The following ZFP90 variants were observed in gnomAD, a reference collection of about 807,000 sequenced individuals.
ZFP90 encodes the protein zinc finger protein 90 homolog.
ZFP90 carries 38 observed loss-of-function variants against 60.8 expected under a neutral mutation model. The ratio of observed to expected loss-of-function variants is 0.62; its 90% confidence interval spans 0.48 to 0.82. ZFP90 has a LOEUF of 0.82. Ranked by LOEUF, ZFP90 falls within the 40% of genes least tolerant of loss-of-function variation. The pLI is 0.00. For synonymous variants in ZFP90, 287 were observed against 264.8 expected (o/e 1.08, Z -0.82); for missense variants, 711 against 759.1 (o/e 0.94, Z 0.74).
chr16:68,560,776 C>G (rs2091428678), intron 4 of ZFP90, among the ~76,000 whole-genome samples: 1 of 151,904 alleles, frequency 6.6e-6, no homozygotes, highest in Admixed American at 6.6e-5. Context: ...ATTGGCCAGC[C>G]TGGTCTCAAA....
intron 2 of ZFP90, among the ~76,000 whole-genome samples, chr16:68,574,545 G>A (rs201910163): frequency 6.6e-6 from 1 of 152,008 alleles, no homozygotes; most frequent in African/African-American, 2.4e-5. Flanking sequence ...GTAAAGAATT[G>A]GGGATCAAAC....
intron 1 of ZFP90, among the ~76,000 whole-genome samples, chr16:68,533,546 A>AC (rs2090941069): frequency 6.6e-6 from 1 of 152,186 alleles, no homozygotes; most frequent in Non-Finnish European, 1.5e-5. Flanking sequence ...TTTGAAAGAC[A>AC]CCCAACTTTA....
At chr16:68,569,876 C>T (rs367591785), downstream of ZFP90, among the ~76,000 whole-genome samples, 1 of 152,102 alleles carries the variant, frequency 6.6e-6, no homozygotes, top group Admixed American at 6.5e-5. Context: ...ACACTTTGTT[C>T]TCTTACCTAA....
At chr16:68,571,160 G>A (rs2091566013), downstream of ZFP90, among the ~76,000 whole-genome samples, 1 of 152,212 alleles carries the variant, frequency 6.6e-6, no homozygotes. Flanking sequence ...GGGTATCACA[G>A]CCTATGATTT....
At chr16:68,540,366 C>G (rs559880090) in intron 2 of ZFP90, among the ~76,000 whole-genome samples, 2 of 152,160 alleles carry the variant, frequency 1.3e-5, no homozygotes, top group African/African-American at 4.8e-5. Flanking sequence ...AGGGCTGATT[C>G]TCCCAGAGCT....
At chr16:68,558,192 G>T in intron 3 of ZFP90, 68 bp downstream of exon 3, 1 of 1,593,468 alleles carries the variant, frequency 6.3e-7, no homozygotes, top group South Asian at 1.1e-5. Flanking sequence ...CTATAGTGGT[G>T]GTGCCCAGAG....
In ZFP90 at chr16:68,564,793, T is replaced by G; in HGVS notation, c.*95T>G. 6.8e-7 allele frequency: 1 copy of G among 1,471,550 alleles called. No individual in the cohort carries two copies. Among genetic ancestry groups the G allele is most frequent in the South Asian group, 1.4e-5 (1 of 69,346 alleles). The allele number at this position is 1,471,550 out of a possible 1,614,324, so 91.2% of individuals were successfully genotyped here. ...TAGAGAGCTTGGGAATGTAATGAAT[T>G]ACGTGTGTGTTTATACGTTGTGTGT... On this transcript the variant is annotated 3_prime_UTR_variant, in exon 5 of 5. Coordinates refer to ENST00000563169, the MANE Select transcript of ZFP90 (RefSeq NM_001305203.2).
At chr16:68,548,251 A>C (rs1001927568) in intron 2 of ZFP90, among the ~76,000 whole-genome samples, 2 of 152,098 alleles carry the variant, frequency 1.3e-5, no homozygotes, top group African/African-American at 4.8e-5. Flanking sequence ...ATTGCTTTTC[A>C]CCTTTTTCTG....
At chr16:68,539,592 C>T (rs2090998645) in intron 1 of ZFP90, 113 bp downstream of exon 1, 1 of 587,304 alleles carries the variant, frequency 1.7e-6, no homozygotes, top group Admixed American at 3.4e-5. Flanking sequence ...CGGGAGGCCG[C>T]TGAGCCTTTC....
rs2091506653 is a variant in ZFP90 at position 68,565,231 on chromosome 16, C to T, written c.*533C>T. ...AAAGCCAAAGATGTGAAGTGGTTTC[C>T]ACAGTATGATACAGCCTATAAGGGT... On this transcript the variant is annotated 3_prime_UTR_variant, in exon 5 of 5. Transcript: ENST00000563169. The T allele has an allele frequency of 2.1e-5, 21 of 986,572 alleles. No individual in the cohort carries two copies. Among genetic ancestry groups the T allele is most frequent in the Non-Finnish European group, 2.5e-5 (21 of 830,684 alleles). The allele number at this position is 986,572 out of a possible 1,614,324, so 61.1% of individuals were successfully genotyped here.
chr16:68,557,842 A>C (rs2091370218), intron 2 of ZFP90, among the ~76,000 whole-genome samples, 156 bp from the exon 3 acceptor site: 1 of 149,018 alleles, frequency 6.7e-6, no homozygotes, highest in Admixed American at 6.8e-5. Context: ...CCTTTACAAA[A>C]TTATGTAAAC....
Position 68,565,986 on chromosome 16 carries a change from T to C in ZFP90, c.*1288T>C, listed in dbSNP as rs1055223963. On this transcript the variant is annotated 3_prime_UTR_variant, in exon 5 of 5. Transcript: ENST00000563169. ...TAAAAAAAAAAAAAAATCCAAAAAT[T>C]AGCTGGGCATGGTGGCATGCAGTGG... 1 of 731,388 alleles carries C rather than the reference T, an allele frequency of 1.4e-6. No individual in the cohort carries two copies. Among genetic ancestry groups the C allele is most frequent in the Non-Finnish European group, 1.7e-6 (1 of 599,244 alleles). 45.3% of individuals were successfully genotyped at this position (731,388 alleles called of 1,614,324 possible). A position where few individuals can be genotyped will look rare whatever the true frequency, so the allele number is the denominator to read the frequency against.
intron 2 of ZFP90, among the ~76,000 whole-genome samples, chr16:68,572,618 C>T (rs574040485): frequency 2.4e-4 from 36 of 152,290 alleles, no homozygotes; most frequent in African/African-American, 7.7e-4. Context: ...GCCTCATGCT[C>T]CTGGGATGAA....
Position 68,563,030 on chromosome 16 carries a change from T to C in ZFP90, c.257-14T>C, listed in dbSNP as rs776810533. On this transcript the variant is annotated splice_polypyrimidine_tract_variant and intron_variant, in intron 4 of 4. Transcript: ENST00000563169. ...GAAGGAATAGGGGACTTTTGTACTT[T>C]GGATTTCTTTCAGACTGGAAGACCA... 1.6e-4 allele frequency: 264 copies of C among 1,613,830 alleles called. No homozygotes were observed. The highest frequency in any genetic ancestry group is 2.0e-4 in the Non-Finnish European group (235 of 1,179,984).
In ZFP90 at chr16:68,566,363, A is replaced by G. The variant is rs2091526863; in HGVS notation, c.*1665A>G. 9 of 985,536 alleles carry G rather than the reference A, an allele frequency of 9.1e-6. No homozygotes were observed. Among genetic ancestry groups the G allele is most frequent in the Non-Finnish European group, 1.1e-5 (9 of 829,920 alleles). The allele number at this position is 985,536 out of a possible 1,614,324, so 61.0% of individuals were successfully genotyped here. On this transcript the variant is annotated 3_prime_UTR_variant, in exon 5 of 5. Coordinates refer to ENST00000563169, the MANE Select transcript of ZFP90 (RefSeq NM_001305203.2). Reference sequence around the variant, plus strand: ...TAGATAAATTTTCCCAGCCCTAAATATGAATCATGGGGCAAGATATTGGTC... The same window carrying G: ...TAGATAAATTTTCCCAGCCCTAAATGTGAATCATGGGGCAAGATATTGGTC...
upstream of ZFP90, among the ~76,000 whole-genome samples, chr16:68,537,637 C>G (rs1398638837): frequency 1.3e-5 from 2 of 152,106 alleles, no homozygotes; most frequent in Admixed American, 6.5e-5. Context: ...GAAATCACAG[C>G]CCACCACAAC....
At chr16:68,554,125 G>GTTT (rs68155311) in intron 2 of ZFP90, among the ~76,000 whole-genome samples, 1 of 123,046 alleles carries the variant, frequency 8.1e-6, no homozygotes, top group Non-Finnish European at 1.7e-5. Context: ...GTTTTGTTTT[G>GTTT]TTTTTTTTTT....
chr16:68,569,045 CAAT>C (rs541563501), downstream of ZFP90, among the ~76,000 whole-genome samples: 75 of 150,668 alleles, frequency 5.0e-4, no homozygotes, highest in Middle Eastern at 6.9e-3. Context: ...TCTGGCGAAA[CAAT>C]AAAGAAGAGC....
At chr16:68,567,721 C>A (rs2091545971), downstream of ZFP90, among the ~76,000 whole-genome samples, 1 of 152,158 alleles carries the variant, frequency 6.6e-6, no homozygotes, top group South Asian at 2.1e-4. Flanking sequence ...CCCATCAGTC[C>A]AACAGTTTCT....
Sources: gnomAD v4.1 joint callset for allele counts (sites outside exome capture counted in the v4.1 genomes callset) on GRCh38, gnomAD v4.1.1 for gene constraint, MANE v1.5 for transcripts, NCBI Gene and HGNC (gene_info 2026-07-23, HGNC 2026-07-21) for gene names.